Variants in FAM210A observed in about 807,000 individuals in gnomAD.
FAM210A encodes mitochondrial inner membrane scaffold 1, also known as family with sequence similarity 210 member A.
FAM210A carries 13 observed loss-of-function variants against 25.3 expected under a neutral mutation model. That is an observed-to-expected ratio of 0.51 (90% CI 0.33 to 0.82). The LOEUF is 0.82. Among genes scored for constraint, FAM210A ranks in the 40% least tolerant of loss-of-function variants. The probability of loss-of-function intolerance (pLI) is 0.02; values close to 1 mark genes in which losing one functional copy is unlikely to be tolerated. For missense variants in FAM210A, 319 were observed against 323.2 expected, an observed-to-expected ratio of 0.99 and a Z score of 0.10; for synonymous variants, 125 against 118.7, an observed-to-expected ratio of 1.05 and a Z score of -0.35.
intron 3 of FAM210A, among the ~76,000 whole-genome samples, chr18:13,670,328 G>A (rs1426894962): frequency 1.3e-5 from 2 of 152,160 alleles, no homozygotes; most frequent in Non-Finnish European, 2.9e-5. Flanking sequence ...ACCATAATTA[G>A]AAACTTGATA....
chr18:13,672,771 T>C (rs1358169006), intron 2 of FAM210A, among the ~76,000 whole-genome samples: 1 of 152,252 alleles, frequency 6.6e-6, no homozygotes, highest in Non-Finnish European at 1.5e-5. Flanking sequence ...AACATCACTT[T>C]AGTCTGTTAT....
intron 1 of FAM210A, among the ~76,000 whole-genome samples, chr18:13,720,385 A>G (rs1175374423): frequency 6.6e-6 from 1 of 152,206 alleles, no homozygotes; most frequent in Non-Finnish European, 1.5e-5. Flanking sequence ...TAGGTCACTC[A>G]GTAAACAACC....
At chr18:13,677,453 T>G (rs1362020690) in intron 2 of FAM210A, among the ~76,000 whole-genome samples, 1 of 152,178 alleles carries the variant, frequency 6.6e-6, no homozygotes, top group Non-Finnish European at 1.5e-5. Flanking sequence ...AGGGGGTACG[T>G]GACTGGGGGC....
intron 3 of FAM210A, among the ~76,000 whole-genome samples, chr18:13,668,283 A>G (rs1371670169): frequency 6.6e-6 from 1 of 152,058 alleles, no homozygotes; most frequent in East Asian, 1.9e-4. Context: ...CACAGCTTTC[A>G]CCTTCCCTTC....
At chr18:13,709,511 C>T (rs1328191999) in intron 1 of FAM210A, among the ~76,000 whole-genome samples, 2 of 152,224 alleles carry the variant, frequency 1.3e-5, no homozygotes, top group East Asian at 1.9e-4. Context: ...GTAAAGCCTA[C>T]CTTGACCATC....
chr18:13,703,434 A>G (rs2043756259), intron 1 of FAM210A, among the ~76,000 whole-genome samples: 1 of 152,254 alleles, frequency 6.6e-6, no homozygotes, highest in African/African-American at 2.4e-5. Flanking sequence ...TTAAATGCAC[A>G]GTAAAAGCAT....
chr18:13,690,023 C>T (rs1441465563), intron 1 of FAM210A, among the ~76,000 whole-genome samples: 1 of 152,226 alleles, frequency 6.6e-6, no homozygotes, highest in Non-Finnish European at 1.5e-5. Flanking sequence ...GAAGCCGTGA[C>T]AGACGGTACG....
At chr18:13,680,988 C>A (rs2043548469) in intron 2 of FAM210A, among the ~76,000 whole-genome samples, 1 of 152,194 alleles carries the variant, frequency 6.6e-6, no homozygotes, top group Admixed American at 6.5e-5. Flanking sequence ...TTCCTTGACA[C>A]TTACTGGACT....
At position 13,681,868 on chromosome 18, in the gene FAM210A, T is replaced by C. The variant is rs577321430; in HGVS notation, c.210A>G (p.Pro70=). 3.1e-6 allele frequency: 5 copies of C among 1,614,220 alleles called. No individual in the cohort carries two copies. The highest frequency in any genetic ancestry group is 2.2e-5 in the South Asian group (2 of 91,084). Reference sequence around the variant, plus strand: ...CTGGTTGGGGTGGATGAGCATCCAATGGCCTCCTTTCCTTTGCAACACACT... The same window carrying C: ...CTGGTTGGGGTGGATGAGCATCCAACGGCCTCCTTTCCTTTGCAACACACT... ...AAQCVAKERR[P]LDAHPPQPGV... Residue 70 remains proline (P), a synonymous_variant, in exon 2 of 4, where the codon CCA becomes CCG. Transcript: ENST00000651643.
chr18:13,720,562 C>G (rs964538754), intron 1 of FAM210A, among the ~76,000 whole-genome samples: 1 of 152,154 alleles, frequency 6.6e-6, no homozygotes, highest in African/African-American at 2.4e-5. Context: ...GGATTTCCCA[C>G]CCTCTGACAT....
chr18:13,704,611 C>A (rs972049017), intron 1 of FAM210A, among the ~76,000 whole-genome samples: 1 of 152,136 alleles, frequency 6.6e-6, no homozygotes, highest in South Asian at 2.1e-4. Context: ...TGGGATACTA[C>A]AGAGGGCCCC....
At chr18:13,669,055 C>T (rs760450117) in intron 3 of FAM210A, among the ~76,000 whole-genome samples, 1 of 152,186 alleles carries the variant, frequency 6.6e-6, no homozygotes, top group African/African-American at 2.4e-5. Context: ...AAAGCTTCAA[C>T]CCCTCTTTCT....
chr18:13,716,678 T>C (rs2043864329), intron 1 of FAM210A, among the ~76,000 whole-genome samples: 1 of 152,146 alleles, frequency 6.6e-6, no homozygotes, highest in African/African-American at 2.4e-5. Flanking sequence ...CTTGCTGATC[T>C]CATGATAGGG....
At chr18:13,703,354 T>C (rs919622298) in intron 1 of FAM210A, among the ~76,000 whole-genome samples, 1 of 152,202 alleles carries the variant, frequency 6.6e-6, no homozygotes, top group Non-Finnish European at 1.5e-5. Flanking sequence ...CCAACCCCAC[T>C]GAAAGATAAG....
chr18:13,707,808 G>A (rs779933098), intron 1 of FAM210A, among the ~76,000 whole-genome samples: 2 of 152,184 alleles, frequency 1.3e-5, no homozygotes, highest in Non-Finnish European at 2.9e-5. Flanking sequence ...AGACTGCTAA[G>A]TGCTCAGTGT....
chr18:13,707,904 T>C (rs1408931017), intron 1 of FAM210A, among the ~76,000 whole-genome samples: 1 of 152,210 alleles, frequency 6.6e-6, no homozygotes, highest in Admixed American at 6.5e-5. Flanking sequence ...CCCTTTTTTT[T>C]TTTGTCTATA....
intron 1 of FAM210A, among the ~76,000 whole-genome samples, chr18:13,702,149 C>T (rs2043745868): frequency 6.6e-6 from 1 of 152,220 alleles, no homozygotes; most frequent in African/African-American, 2.4e-5. Flanking sequence ...AGGAAGGGAA[C>T]TCAGAAGCCT....
chr18:13,707,953 G>C (rs1429300891), intron 1 of FAM210A, among the ~76,000 whole-genome samples: 1 of 151,530 alleles, frequency 6.6e-6, no homozygotes, highest in African/African-American at 2.4e-5. Context: ...GAGTCTCTCT[G>C]AATCTGCTGG....
chr18:13,705,819 C>T (rs143147055), intron 1 of FAM210A, among the ~76,000 whole-genome samples: 11 of 152,126 alleles, frequency 7.2e-5, no homozygotes, highest in Non-Finnish European at 1.3e-4. Flanking sequence ...AACCCACGTG[C>T]CTGAGAAGAC....
Sources: gnomAD v4.1 joint callset for allele counts (sites outside exome capture counted in the v4.1 genomes callset) on GRCh38, gnomAD v4.1.1 for gene constraint, MANE v1.5 for transcripts, NCBI Gene and HGNC (gene_info 2026-07-23, HGNC 2026-07-21) for gene names.